The following TECPR2 variants were observed in gnomAD, a reference collection of about 807,000 sequenced individuals.
TECPR2 encodes tectonin beta-propeller repeat-containing protein 2.
Under a neutral mutation model 138.1 loss-of-function variants are expected in TECPR2, and 65 were observed. The ratio of observed to expected loss-of-function variants is 0.47; its 90% CI spans 0.39 to 0.58. The LOEUF is 0.58. TECPR2 is among the 20% of genes least tolerant of loss of function. TECPR2 has a pLI of 0.00. For synonymous variants in TECPR2, 746 were observed against 749.8 expected (o/e 0.99, Z 0.08); for missense variants, 1,553 against 1,824.5 (o/e 0.85, Z 2.71).
intron 1 of TECPR2, among the ~76,000 whole-genome samples, chr14:102,372,544 G>A (rs951128139): frequency 6.6e-6 from 1 of 152,188 alleles, no homozygotes; most frequent in Non-Finnish European, 1.5e-5. Context: ...GGGGTTTACA[G>A]GTGTGAGACA....
chr14:102,383,431 AGAGTCTCACTCTGTCTCCCAGGCTG>A (rs1157046859), intron 2 of TECPR2, among the ~76,000 whole-genome samples: 1 of 149,896 alleles, frequency 6.7e-6, no homozygotes, highest in African/African-American at 2.5e-5. Flanking sequence ...TTTTTGAGGC[AGAGTCTCACTCTGTCTCCCAGGCTG>A]GAGTGCAGTG....
At chr14:102,444,172 C>A (rs866113462) in intron 12 of TECPR2, among the ~76,000 whole-genome samples, 1 of 150,114 alleles carries the variant, frequency 6.7e-6, no homozygotes, top group African/African-American at 2.4e-5. Context: ...TCATGCTAAT[C>A]GAAGTTGATC....
chr14:102,500,013 C>G lies in TECPR2; in HGVS notation c.*1756C>G, dbSNP rs1891401689. The G allele has an allele frequency of 2.6e-5, 4 of 152,836 alleles. No homozygotes were observed. The highest frequency in any genetic ancestry group is 9.6e-5 in the African/African-American group (4 of 41,600). 9.5% of individuals were successfully genotyped at this position (152,836 alleles called of 1,614,324 possible). On this transcript the variant is annotated 3_prime_UTR_variant, in exon 20 of 20. Transcript: ENST00000359520. Reference sequence around the variant, plus strand: ...GTGTCTGTTGTGCCTTGCCCGGCGCCTCACGGATGGCAAAGCTCTCCTCAC... The same window carrying G: ...GTGTCTGTTGTGCCTTGCCCGGCGCGTCACGGATGGCAAAGCTCTCCTCAC...
intron 2 of TECPR2, among the ~76,000 whole-genome samples, chr14:102,380,693 T>C (rs1465613357): frequency 6.6e-6 from 1 of 152,236 alleles, no homozygotes; most frequent in Non-Finnish European, 1.5e-5. Context: ...TTTTGTTTTG[T>C]TTTGAGACGG....
intron 1 of TECPR2, among the ~76,000 whole-genome samples, chr14:102,373,229 G>T (rs186840566): frequency 1.3e-5 from 2 of 151,536 alleles, no homozygotes; most frequent in African/African-American, 4.8e-5. Context: ...TAATGGGTTT[G>T]TGTGCTAAGA....
chr14:102,480,274 G>T (rs1313789850), intron 17 of TECPR2, among the ~76,000 whole-genome samples: 5 of 151,566 alleles, frequency 3.3e-5, no homozygotes, highest in African/African-American at 1.2e-4. Flanking sequence ...GCCCAGGCTG[G>T]AGTGCAGTGG....
At chr14:102,432,176 A>G (rs1889515704) in intron 8 of TECPR2, 48 bp downstream of exon 8, 4 of 1,445,560 alleles carry the variant, frequency 2.8e-6, no homozygotes, top group African/African-American at 1.4e-5. Context: ...CAGTCTTTCC[A>G]GATTCTCTGG....
At chr14:102,438,989 G>A (rs1191813099) in intron 10 of TECPR2, among the ~76,000 whole-genome samples, 3 of 151,438 alleles carry the variant, frequency 2.0e-5, no homozygotes, top group Non-Finnish European at 4.4e-5. Context: ...AGCCTCCCCA[G>A]TAGCTGGGAC....
At chr14:102,367,709 T>A (rs2139646390) in intron 1 of TECPR2, among the ~76,000 whole-genome samples, 1 of 152,324 alleles carries the variant, frequency 6.6e-6, no homozygotes, top group Non-Finnish European at 1.5e-5. Context: ...GGTGATATTA[T>A]GAACATTTAT....
intron 4 of TECPR2, among the ~76,000 whole-genome samples, chr14:102,414,167 A>G (rs1345449142): frequency 6.6e-6 from 1 of 152,224 alleles, no homozygotes; most frequent in African/African-American, 2.4e-5. Flanking sequence ...AGACTATAAT[A>G]TGAACTTACA....
chr14:102,376,512 A>G, intron 1 of TECPR2, 138 bp from the exon 2 acceptor site: 1 of 575,182 alleles, frequency 1.7e-6, no homozygotes, highest in South Asian at 2.0e-5. Flanking sequence ...GATCTTAGTG[A>G]CACGTGTTTA....
intron 17 of TECPR2, among the ~76,000 whole-genome samples, chr14:102,495,894 G>A (rs752373906): frequency 2.4e-4 from 36 of 152,358 alleles, no homozygotes; most frequent in African/African-American, 9.6e-5. Context: ...ACCTCGATCC[G>A]GGAGGTGCAG....
intron 5 of TECPR2, among the ~76,000 whole-genome samples, 182 bp downstream of exon 5, chr14:102,414,975 C>G (rs1465007516): frequency 1.3e-5 from 2 of 152,170 alleles, no homozygotes; most frequent in Non-Finnish European, 2.9e-5. Context: ...CAGAGGCAGA[C>G]AAGAAGAGTG....
intron 17 of TECPR2, among the ~76,000 whole-genome samples, chr14:102,488,130 C>T (rs933451264): frequency 1.1e-4 from 17 of 152,074 alleles, no homozygotes; most frequent in Admixed American, 1.1e-3. Context: ...AGGCGTGAGC[C>T]ACCACGCCCA....
intron 10 of TECPR2, among the ~76,000 whole-genome samples, chr14:102,439,476 C>A (rs933238327): frequency 6.6e-6 from 1 of 152,214 alleles, no homozygotes; most frequent in Non-Finnish European, 1.5e-5. Context: ...ACCCACTCCA[C>A]AAGCTGTCAT....
intron 2 of TECPR2, among the ~76,000 whole-genome samples, chr14:102,384,077 A>G (rs1396629035): frequency 1.3e-5 from 2 of 150,926 alleles, no homozygotes; most frequent in Non-Finnish European, 3.0e-5. Context: ...GTGCCACCCC[A>G]TCTGGCTAAT....
rs535876919 is a variant in TECPR2, at chr14:102,453,545, T to A, written c.3640+918T>A. On this transcript the variant is annotated intron_variant, in intron 16 of 19. Transcript: ENST00000359520. ...GCTATTTGTAAATAATTCATTCATG[T>A]TCCAAGAAATAATAACATAAGCCCA... is the stretch of plus-strand genomic sequence containing the variant. Among the ~76,000 whole-genome samples the A allele has an allele frequency of 3.4e-4, 51 of 152,084 alleles. 1 individual carries two copies. The South Asian group carries it at 0.011, about 32-fold the overall frequency.
intron 2 of TECPR2, among the ~76,000 whole-genome samples, chr14:102,381,406 T>G (rs2139662875): frequency 6.6e-6 from 1 of 152,308 alleles, no homozygotes; most frequent in Middle Eastern, 3.4e-3. Context: ...GAGCCCCATC[T>G]CTACTAAAAA....
chr14:102,363,138 G>T (rs1887226136), intron 1 of TECPR2, 22 bp downstream of exon 1: 1 of 368,616 alleles, frequency 2.7e-6, no homozygotes, highest in Non-Finnish European at 4.8e-6. Flanking sequence ...GACGCCGCAA[G>T]CGGCCCCGAC....
Sources: gnomAD v4.1 joint callset for allele counts (sites outside exome capture counted in the v4.1 genomes callset) on GRCh38, gnomAD v4.1.1 for gene constraint, MANE v1.5 for transcripts, NCBI Gene and HGNC (gene_info 2026-07-23, HGNC 2026-07-21) for gene names.